Variants in KMT2C observed in about 807,000 individuals in gnomAD.
KMT2C encodes the protein lysine methyltransferase 2C, also known as histone-lysine N-methyltransferase 2C.
KMT2C carries 88 observed loss-of-function variants against 507.9 expected under a neutral mutation model. That is an observed-to-expected ratio of 0.17 (90% confidence interval 0.15 to 0.21). KMT2C has a LOEUF of 0.21. Among genes scored for constraint, KMT2C ranks in the 10% least tolerant of loss-of-function variants. The pLI is 1.00. For synonymous variants in KMT2C, 2,049 were observed against 2,080.8 expected (o/e 0.98, Z 0.42); for missense variants, 4,954 against 5,957.8 (o/e 0.83, Z 5.55).
At chr7:152,344,859 C>T (rs915495662) in intron 2 of KMT2C, among the ~76,000 whole-genome samples, 2 of 152,008 alleles carry the variant, frequency 1.3e-5, no homozygotes, top group Admixed American at 1.3e-4. Flanking sequence ...GGAAAGCATG[C>T]GCCTGTAGTC....
At chr7:152,178,137 T>C in intron 37 of KMT2C, 127 bp from the exon 38 acceptor site, 1 of 971,572 alleles carries the variant, frequency 1.0e-6, no homozygotes, top group Middle Eastern at 3.6e-4. Flanking sequence ...ATACTATGAC[T>C]TACAAAAGCA....
At chr7:152,282,005 CAT>C (rs1160209451) in intron 6 of KMT2C, among the ~76,000 whole-genome samples, 1 of 151,376 alleles carries the variant, frequency 6.6e-6, no homozygotes, top group Non-Finnish European at 1.5e-5. Flanking sequence ...AAGAAAATAA[CAT>C]ATGGACAGGC....
chr7:152,425,141 T>C (rs34824814), intron 1 of KMT2C, among the ~76,000 whole-genome samples: 7,512 of 152,260 alleles, frequency 0.049, 309 homozygotes, highest in African/African-American at 0.11. Context: ...AGTAACACCT[T>C]AATATATGAC....
intron 3 of KMT2C, among the ~76,000 whole-genome samples, chr7:152,323,972 CT>C (rs1180691213): frequency 6.6e-6 from 1 of 151,398 alleles, no homozygotes; most frequent in Non-Finnish European, 1.5e-5. Flanking sequence ...TATGTAGAAT[CT>C]AAAAAAGTTG....
At chr7:152,413,097 T>C (rs886173142) in intron 1 of KMT2C, among the ~76,000 whole-genome samples, 5 of 152,224 alleles carry the variant, frequency 3.3e-5, no homozygotes, top group South Asian at 2.1e-4. Context: ...AAACTAACAA[T>C]GTAAATCTAT....
chr7:152,193,558 T>C (rs1446485735), intron 31 of KMT2C, among the ~76,000 whole-genome samples: 4 of 152,190 alleles, frequency 2.6e-5, no homozygotes, highest in Non-Finnish European at 5.9e-5. Context: ...ACAGGTATTA[T>C]ATTTGTGCCA....
At chr7:152,311,752 T>C (rs1451264559) in intron 5 of KMT2C, 46 bp downstream of exon 5, 2 of 1,435,374 alleles carry the variant, frequency 1.4e-6, no homozygotes, top group African/African-American at 1.4e-5. Flanking sequence ...AAAATTAAAA[T>C]GCTTCCAGAA....
chr7:152,277,769 A>C (rs73161902), intron 6 of KMT2C, among the ~76,000 whole-genome samples: 12 of 152,008 alleles, frequency 7.9e-5, no homozygotes, highest in African/African-American at 1.4e-4. Context: ...AAAGAAACCC[A>C]AAAAAAATCA....
In KMT2C at chr7:152,349,583, CA is replaced by C. The variant is rs201978429; in HGVS notation, c.250+9003del. Among the ~76,000 whole-genome samples the C allele has an allele frequency of 9.4e-3, 1,434 of 152,090 alleles. 26 individuals carry two copies. The highest frequency in any genetic ancestry group is 0.033 in the African/African-American group (1,379 of 41,480). ...AAACTATTTGACACTCTGGAAAAGGCAAAACTATGGAGACAGTAAAAAGAAT... is the reference window on the plus strand; with the variant it reads ...AAACTATTTGACACTCTGGAAAAGGCAAACTATGGAGACAGTAAAAAGAAT... On this transcript the variant is annotated intron_variant, in intron 2 of 58. Transcript: ENST00000262189.
Position 152,311,841 on chromosome 7 carries a change from C to G in KMT2C, c.696G>C (p.Gly232=). The change falls in exon 5 of 59, where the codon GGG becomes GGC. Residue 232 remains glycine (G), a synonymous_variant. Transcript: ENST00000262189. ...CTTGGATATCAATGGCATCTGGAAG[C>G]CCAACCAGACTGAGTTCATCCCACA... is the stretch of plus-strand genomic sequence containing the variant. ...GKLWDELSLV[G]LPDAIDIQAL... is the part of the protein sequence containing the mutation. The G allele has an allele frequency of 6.2e-7, 1 of 1,611,342 alleles. No individual in the cohort carries two copies. Among genetic ancestry groups the G allele is most frequent in the East Asian group, 2.2e-5 (1 of 44,828 alleles).
In KMT2C at chr7:152,363,349, CTTTA is replaced by C. The variant is rs535053473; in HGVS notation, c.162-4678_162-4675del. 1.0e-3 allele frequency among the ~76,000 whole-genome samples: 152 copies of C among 152,250 alleles called. 1 individual carries two copies. The highest frequency in any genetic ancestry group is 3.3e-3 in the African/African-American group (137 of 41,548). On this transcript the variant is annotated intron_variant, in intron 1 of 58. Transcript: ENST00000262189. The stretch of plus-strand genomic sequence containing the variant: ...ATGTGAAGTAAAAGAATACAACTAA[CTTTA>C]TTTGAGAAAATTTTCTACCAAAACT...
chr7:152,163,889 G>A (rs2092588579), intron 42 of KMT2C, 63 bp from the exon 43 acceptor site: 2 of 1,489,228 alleles, frequency 1.3e-6, no homozygotes, highest in Middle Eastern at 2.0e-4. Context: ...GTAAAACACT[G>A]GCTGATGACT....
At chr7:152,251,898 CA>C in intron 11 of KMT2C, 40 bp downstream of exon 11, 1 of 1,514,496 alleles carries the variant, frequency 6.6e-7, no homozygotes, top group South Asian at 1.3e-5. Context: ...CACAACATTA[CA>C]AAAACAAAAA....
At chr7:152,251,004 GTTT>G (rs746311623) in intron 11 of KMT2C, 38 bp from the exon 12 acceptor site, 1 of 1,188,910 alleles carries the variant, frequency 8.4e-7, no homozygotes, top group Non-Finnish European at 1.2e-6. Context: ...CTCAGAATGA[GTTT>G]TTTTCTTTGT....
chr7:152,336,178 T>C (rs903877010), intron 2 of KMT2C, among the ~76,000 whole-genome samples: 22 of 152,278 alleles, frequency 1.4e-4, no homozygotes, highest in South Asian at 2.1e-4. Flanking sequence ...GCTTCCTAGA[T>C]AGCAGTAATT....
chr7:152,183,388 A>T (rs944610922), intron 34 of KMT2C, among the ~76,000 whole-genome samples: 2 of 152,188 alleles, frequency 1.3e-5, no homozygotes, highest in African/African-American at 4.8e-5. Flanking sequence ...TTAAGCTTAA[A>T]GATCCTAGGT....
chr7:152,308,656 C>T (rs932515880), intron 6 of KMT2C, among the ~76,000 whole-genome samples: 2 of 113,146 alleles, frequency 1.8e-5, no homozygotes, highest in South Asian at 3.0e-4. Flanking sequence ...GCCTGCACAA[C>T]ACAGCAAAAC....
At chr7:152,273,517 T>C (rs535124613) in intron 7 of KMT2C, among the ~76,000 whole-genome samples, 188 bp downstream of exon 7, 11 of 152,354 alleles carry the variant, frequency 7.2e-5, no homozygotes, top group African/African-American at 2.6e-4. Context: ...TTTTTGGATT[T>C]AATTTCAATG....
At position 152,320,478 on chromosome 7, in the gene KMT2C, G is replaced by A. The variant is rs544956542; in HGVS notation, c.390-5140C>T. ...TGGCCAGGCTGGTCTCAAACTCCTG[G>A]CCTCAGGTGATCCACCTGCCTTGGC... On this transcript the variant is annotated intron_variant, in intron 3 of 58. Coordinates refer to ENST00000262189, the MANE Select transcript of KMT2C (RefSeq NM_170606.3). Among the ~76,000 whole-genome samples, 595 of 150,826 alleles carry A rather than the reference G, an allele frequency of 3.9e-3. 5 individuals are homozygous for A. Among genetic ancestry groups the A allele is most frequent in the Non-Finnish European group, 4.8e-3 (321 of 67,296 alleles).
Sources: allele counts gnomAD v4.1 joint callset (sites outside exome capture counted in the v4.1 genomes callset), GRCh38; gene constraint gnomAD v4.1.1; transcripts MANE v1.5; gene names NCBI Gene and HGNC (gene_info 2026-07-23, HGNC 2026-07-21).